Variants in LAMTOR3 observed in about 807,000 individuals in gnomAD.
The protein encoded by LAMTOR3 is ragulator complex protein LAMTOR3.
A neutral mutation model predicts 20.3 loss-of-function variants in LAMTOR3; 14 were observed. That is an observed-to-expected ratio of 0.69 (90% confidence interval 0.46 to 1.08). The LOEUF (loss-of-function observed/expected upper bound fraction) is 1.08, where lower values mean the gene tolerates loss of function less well. Among genes scored for constraint, LAMTOR3 ranks in the 50% least tolerant of loss-of-function variants. The pLI, the probability that LAMTOR3 is intolerant of heterozygous loss-of-function variation, is 0.00. For missense variants in LAMTOR3, 125 were observed against 143.7 expected (o/e 0.87, Z 0.67); for synonymous variants, 40 against 49.4 (o/e 0.81, Z 0.80).
rs1338515384 is a variant in LAMTOR3 at position 99,880,073 on chromosome 4, T to G, written c.*1921A>C. The G allele has an allele frequency of 6.6e-6, 1 of 152,116 alleles. No individual in the cohort carries two copies. Among genetic ancestry groups the G allele is most frequent in the Non-Finnish European group, 1.5e-5 (1 of 68,016 alleles). The allele number at this position is 152,116 out of a possible 1,614,324, so 9.4% of individuals were successfully genotyped here. ...GGTACATGGCTGTATTTATAGCTCTTTGCAGGTAAAGCATTATATCTCTTG... is the reference window on the plus strand; with the variant it reads ...GGTACATGGCTGTATTTATAGCTCTGTGCAGGTAAAGCATTATATCTCTTG... On this transcript the variant is annotated 3_prime_UTR_variant, in exon 7 of 7. Transcript: ENST00000499666.
chr4:99,888,773 T>C (rs571698311), intron 3 of LAMTOR3, among the ~76,000 whole-genome samples: 1 of 152,212 alleles, frequency 6.6e-6, no homozygotes, highest in Non-Finnish European at 1.5e-5. Flanking sequence ...ACAAAATCAT[T>C]TGTCTTCCTT....
intron 3 of LAMTOR3, among the ~76,000 whole-genome samples, chr4:99,891,597 G>C (rs745614222): frequency 6.6e-6 from 1 of 152,096 alleles, no homozygotes; most frequent in Non-Finnish European, 1.5e-5. Context: ...GTCTCCCAAT[G>C]ATAAAGTATG....
rs1724822835 is a variant in LAMTOR3 at position 99,881,288 on chromosome 4, G to A, written c.*706C>T. ...TCATGTTTACATACATACTAACATT[G>A]GAAACAGAATAACGAATTGTATTTA... On this transcript the variant is annotated 3_prime_UTR_variant, in exon 7 of 7. Transcript: ENST00000499666. 2 of 151,966 alleles carry A rather than the reference G, an allele frequency of 1.3e-5. No individual in the cohort carries two copies. Among genetic ancestry groups the A allele is most frequent in the African/African-American group, 2.4e-5 (1 of 41,352 alleles). 9.4% of individuals were successfully genotyped at this position (151,966 alleles called of 1,614,324 possible). A position where few individuals can be genotyped will look rare whatever the true frequency, so the allele number is the denominator to read the frequency against.
intron 6 of LAMTOR3, among the ~76,000 whole-genome samples, chr4:99,883,715 T>C (rs1390769689): frequency 6.6e-6 from 1 of 151,892 alleles, no homozygotes; most frequent in African/African-American, 2.4e-5. Context: ...TCACCTTGTT[T>C]TCTTAAACTG....
At chr4:99,884,643 T>C (rs879391775) in intron 5 of LAMTOR3, among the ~76,000 whole-genome samples, 4 of 152,164 alleles carry the variant, frequency 2.6e-5, no homozygotes, top group Admixed American at 6.5e-5. Flanking sequence ...ATCTTTTACT[T>C]AATACACATT....
chr4:99,884,171 G>T, intron 5 of LAMTOR3, 46 bp from the exon 6 acceptor site: 1 of 1,409,748 alleles, frequency 7.1e-7, no homozygotes, highest in Non-Finnish European at 1.0e-6. Context: ...TTATGAAAAG[G>T]TAGTATAACT....
intron 5 of LAMTOR3, among the ~76,000 whole-genome samples, chr4:99,884,984 G>T (rs1724895679): frequency 6.6e-6 from 1 of 151,252 alleles, no homozygotes; most frequent in Non-Finnish European, 1.5e-5. Flanking sequence ...AAAAAAAAAA[G>T]AGTAACTTAC....
At chr4:99,887,713 A>G (rs2110181546) in intron 3 of LAMTOR3, among the ~76,000 whole-genome samples, 1 of 152,392 alleles carries the variant, frequency 6.6e-6, no homozygotes, top group African/African-American at 2.4e-5. Context: ...TCATGCAAAT[A>G]TTAAGCGGCC....
At chr4:99,891,321 T>C (rs1725018954) in intron 3 of LAMTOR3, among the ~76,000 whole-genome samples, 1 of 152,212 alleles carries the variant, frequency 6.6e-6, no homozygotes, top group Non-Finnish European at 1.5e-5. Flanking sequence ...TTAGTTACTA[T>C]GGTTAAGTAA....
intron 3 of LAMTOR3, among the ~76,000 whole-genome samples, chr4:99,888,475 C>A (rs1416670597): frequency 6.6e-6 from 1 of 152,148 alleles, no homozygotes; most frequent in African/African-American, 2.4e-5. Context: ...AGGTGACACT[C>A]CTCGACTTTC....
chr4:99,885,261 C>T (rs1414416665), intron 5 of LAMTOR3, among the ~76,000 whole-genome samples: 2 of 152,186 alleles, frequency 1.3e-5, no homozygotes, highest in East Asian at 1.9e-4. Flanking sequence ...GTTTAGCTAA[C>T]GGCACCATCT....
intron 2 of LAMTOR3, 57 bp downstream of exon 2, chr4:99,893,898 G>C: frequency 7.3e-7 from 1 of 1,373,308 alleles, no homozygotes; most frequent in Non-Finnish European, 9.7e-7. Flanking sequence ...TCCCCGCTCA[G>C]TATGCCCCTC....
rs1724789178 is a variant in LAMTOR3, at chr4:99,879,845, T to C, written c.*2149A>G. The C allele has an allele frequency of 1.3e-5, 2 of 149,980 alleles. No individual in the cohort carries two copies. The highest frequency in any genetic ancestry group is 6.6e-5 in the Admixed American group (1 of 15,102). The allele number at this position is 149,980 out of a possible 1,614,324, so 9.3% of individuals were successfully genotyped here. A position where few individuals can be genotyped will look rare whatever the true frequency, so the allele number is the denominator to read the frequency against. On this transcript the variant is annotated 3_prime_UTR_variant, in exon 7 of 7. Transcript: ENST00000499666. ...ATGGTATAGCCTACTACTATACACCTAGGCTATATGGTATAGCCTACTACT... is the reference window on the plus strand; with the variant it reads ...ATGGTATAGCCTACTACTATACACCCAGGCTATATGGTATAGCCTACTACT...
At chr4:99,882,091 T>C in intron 6 of LAMTOR3, 24 bp from the exon 7 acceptor site, 3 of 1,446,616 alleles carry the variant, frequency 2.1e-6, no homozygotes, top group Non-Finnish European at 2.8e-6. Flanking sequence ...ATTAAGAAAA[T>C]TACATGTTAG....
chr4:99,878,947 C>T lies in LAMTOR3; in HGVS notation c.*3047G>A, dbSNP rs1445718021. ...GTTGCAAAGAATATACTTGTAAATACATACTTTTGCACATCTATGTGCTTT... is the reference window on the plus strand; with the variant it reads ...GTTGCAAAGAATATACTTGTAAATATATACTTTTGCACATCTATGTGCTTT... On this transcript the variant is annotated 3_prime_UTR_variant, in exon 7 of 7. Coordinates refer to ENST00000499666, the MANE Select transcript of LAMTOR3 (RefSeq NM_021970.4). 2 of 152,198 alleles carry T rather than the reference C, an allele frequency of 1.3e-5. No individual in the cohort carries two copies. The highest frequency in any genetic ancestry group is 6.5e-5 in the Admixed American group (1 of 15,280). 9.4% of individuals were successfully genotyped at this position (152,198 alleles called of 1,614,324 possible).
chr4:99,893,472 TACACAC>T (rs142277205), intron 2 of LAMTOR3, among the ~76,000 whole-genome samples: 1 of 150,624 alleles, frequency 6.6e-6, no homozygotes, highest in Non-Finnish European at 1.5e-5. Flanking sequence ...TTTATCCTCC[TACACAC>T]ACACACACAC....
At chr4:99,891,305 C>T (rs1327129867) in intron 3 of LAMTOR3, among the ~76,000 whole-genome samples, 1 of 152,152 alleles carries the variant, frequency 6.6e-6, no homozygotes, top group Non-Finnish European at 1.5e-5. Flanking sequence ...TTCCAATATG[C>T]ACATTTTAGT....
Position 99,892,033 on chromosome 4 carries a change from T to A in LAMTOR3, c.11A>T (p.Asp4Val), listed in dbSNP as rs1725031730. The A allele has an allele frequency of 6.4e-7, 1 of 1,570,082 alleles. No individual in the cohort carries two copies. Among genetic ancestry groups the A allele is most frequent in the South Asian group, 1.2e-5 (1 of 83,774 alleles). ...CTTTTTATACAAGAATCGCTTTAGG[T>A]CCTGAAAGAGAGCATTAAAAAATAA... MAD[D>V]LKRFLYKKLP... Residue 4 changes from aspartate (D) to valine (V), a missense_variant and splice_region_variant, in exon 3 of 7, where the codon GAC becomes GTC. This residue lies in a region of LAMTOR3 where 99 missense variants were observed against 96.0 expected (regional missense o/e 1.03). Transcript: ENST00000499666.
rs933159626 is a variant in LAMTOR3, at chr4:99,878,867, G to C, written c.*3127C>G. ...AGTGTTCAAAAAGCCAAAGCATATG[G>C]TTATCCTACCTATGGCAGATATTTA... On this transcript the variant is annotated 3_prime_UTR_variant, in exon 7 of 7. Transcript: ENST00000499666. 1 of 152,202 alleles carries C rather than the reference G, an allele frequency of 6.6e-6. No homozygotes were observed. Among genetic ancestry groups the C allele is most frequent in the Non-Finnish European group, 1.5e-5 (1 of 68,032 alleles). The allele number at this position is 152,202 out of a possible 1,614,324, so 9.4% of individuals were successfully genotyped here.
Sources: gnomAD v4.1 joint callset for allele counts (sites outside exome capture counted in the v4.1 genomes callset) on GRCh38, gnomAD v4.1.1 for gene constraint, gnomAD v4.1.1 regional missense constraint, MANE v1.5 for transcripts, NCBI Gene and HGNC (gene_info 2026-07-23, HGNC 2026-07-21) for gene names.